The following HDAC9 variants were observed in gnomAD, a reference collection of about 807,000 sequenced individuals.
HDAC9 encodes the protein histone deacetylase 9, also known as MEF-2 interacting transcription repressor (MITR) protein.
Under a neutral mutation model 139.4 loss-of-function variants are expected in HDAC9, and 41 were observed. The observed-to-expected ratio is 0.29, with a 90% CI of 0.23 to 0.38. The LOEUF is 0.38. Ranked by LOEUF, HDAC9 falls within the 10% of genes least tolerant of loss-of-function variation. The pLI is 1.00. For synonymous variants in HDAC9, 517 were observed against 476.2 expected, an observed-to-expected ratio of 1.09 and a Z score of -1.12; for missense variants, 1,147 against 1,297.0, an observed-to-expected ratio of 0.88 and a Z score of 1.78.
chr7:18,677,844 A>G (rs1781621439), intron 12 of HDAC9, among the ~76,000 whole-genome samples: 2 of 152,076 alleles, frequency 1.3e-5, no homozygotes, highest in South Asian at 4.1e-4. Context: ...CACTAACACT[A>G]GCACTTGATG....
At chr7:18,374,475 C>T (rs889081813) in intron 1 of HDAC9, among the ~76,000 whole-genome samples, 2 of 151,962 alleles carry the variant, frequency 1.3e-5, no homozygotes, top group Non-Finnish European at 2.9e-5. Flanking sequence ...TCCTAGGCTA[C>T]AAACCTGTAC....
intron 6 of HDAC9, among the ~76,000 whole-genome samples, chr7:18,628,294 A>G (rs1356574995): frequency 2.0e-5 from 3 of 152,164 alleles, no homozygotes; most frequent in African/African-American, 7.2e-5. Flanking sequence ...CTTGGGCAAG[A>G]TACTTACCCT....
At chr7:18,647,601 A>G (rs562935192) in intron 9 of HDAC9, among the ~76,000 whole-genome samples, 184 bp from the exon 10 acceptor site, 1 of 152,182 alleles carries the variant, frequency 6.6e-6, no homozygotes, top group South Asian at 2.1e-4. Context: ...CTCCAACCCT[A>G]TTTTTATTCC....
chr7:18,910,278 T>G (rs1044773873), intron 22 of HDAC9, among the ~76,000 whole-genome samples: 4 of 152,020 alleles, frequency 2.6e-5, no homozygotes, highest in African/African-American at 9.7e-5. Context: ...TTTGACCTCC[T>G]TGGTTAAATA....
At chr7:18,504,337 A>C (rs929378876) in intron 2 of HDAC9, among the ~76,000 whole-genome samples, 2 of 152,158 alleles carry the variant, frequency 1.3e-5, no homozygotes, top group African/African-American at 4.8e-5. Flanking sequence ...ACAAAGTCTC[A>C]CTCTGTCATC....
At chr7:18,142,119 G>A (rs1562667784) in intron 1 of HDAC9, among the ~76,000 whole-genome samples, 1 of 151,200 alleles carries the variant, frequency 6.6e-6, no homozygotes, top group East Asian at 1.9e-4. Context: ...GTGTAGATGA[G>A]TTATTTTTCT....
At chr7:18,092,412 TA>T (rs67749571) in intron 1 of HDAC9, among the ~76,000 whole-genome samples, 2,425 of 117,406 alleles carry the variant, frequency 0.021, 64 homozygotes, top group African/African-American at 0.062. Context: ...TTTTTTTTTT[TA>T]AAAAAAAGAA....
intron 17 of HDAC9, among the ~76,000 whole-genome samples, chr7:18,805,546 C>T (rs1229041777): frequency 6.6e-6 from 1 of 152,140 alleles, no homozygotes; most frequent in African/African-American, 2.4e-5. Context: ...TGCGCAGAAG[C>T]CAATTTTAAT....
intron 2 of HDAC9, among the ~76,000 whole-genome samples, chr7:18,185,162 C>G (rs1198044770): frequency 1.3e-5 from 2 of 152,188 alleles, no homozygotes; most frequent in Non-Finnish European, 2.9e-5. Flanking sequence ...TACTTACAGA[C>G]AGTGATCGAG....
chr7:18,294,533 T>C (rs1235051119), intron 1 of HDAC9, among the ~76,000 whole-genome samples: 1 of 151,976 alleles, frequency 6.6e-6, no homozygotes, highest in Admixed American at 6.6e-5. Context: ...AAATGGAAAA[T>C]AGTTTTGCCT....
chr7:18,106,717 G>A (rs971937865), intron 1 of HDAC9, among the ~76,000 whole-genome samples: 1 of 152,170 alleles, frequency 6.6e-6, no homozygotes, highest in Admixed American at 6.5e-5. Flanking sequence ...GCCTCCCAGT[G>A]TGCTGGGATT....
At chr7:18,541,510 T>C (rs112345491) in intron 2 of HDAC9, among the ~76,000 whole-genome samples, 3 of 149,722 alleles carry the variant, frequency 2.0e-5, no homozygotes, top group African/African-American at 7.7e-5. Flanking sequence ...TAATTTTATG[T>C]TTTTCTCTGG....
At chr7:18,780,471 A>G (rs755266694) in intron 16 of HDAC9, among the ~76,000 whole-genome samples, 5 of 152,102 alleles carry the variant, frequency 3.3e-5, no homozygotes, top group Admixed American at 6.6e-5. Flanking sequence ...GACAACAGAG[A>G]TCCAGGGCAC....
intron 2 of HDAC9, among the ~76,000 whole-genome samples, chr7:18,249,048 A>C (rs1794744279): frequency 6.6e-6 from 1 of 152,188 alleles, no homozygotes; most frequent in South Asian, 2.1e-4. Context: ...AATCTTAGGG[A>C]TACAGTTGAG....
At chr7:18,553,225 C>T (rs772576645) in intron 2 of HDAC9, among the ~76,000 whole-genome samples, 3 of 151,956 alleles carry the variant, frequency 2.0e-5, no homozygotes, top group Non-Finnish European at 4.4e-5. Flanking sequence ...TCCTGTTTTA[C>T]GATAATTCTG....
chr7:18,949,330 G>T, intron 23 of HDAC9: 1 of 250,278 alleles, frequency 4.0e-6, no homozygotes, highest in Non-Finnish European at 7.8e-6. Context: ...ACCTCTAGAG[G>T]CAGCTCGCTT....
chr7:18,857,370 T>C (rs933355835), intron 21 of HDAC9, among the ~76,000 whole-genome samples: 2 of 151,928 alleles, frequency 1.3e-5, no homozygotes, highest in African/African-American at 4.8e-5. Flanking sequence ...TGTGTATGTA[T>C]GTATGTACTA....
chr7:18,934,796 A>G (rs1319234148), intron 22 of HDAC9, among the ~76,000 whole-genome samples: 2 of 152,200 alleles, frequency 1.3e-5, no homozygotes, highest in African/African-American at 4.8e-5. Context: ...TTAAGACTCA[A>G]CAATTCTGTT....
intron 16 of HDAC9, among the ~76,000 whole-genome samples, chr7:18,770,166 G>T (rs1259456634): frequency 6.6e-6 from 1 of 152,076 alleles, no homozygotes; most frequent in Non-Finnish European, 1.5e-5. Context: ...GGTATTTAAG[G>T]TGCTGTGAAA....
Sources: allele counts gnomAD v4.1 joint callset (sites outside exome capture counted in the v4.1 genomes callset), GRCh38; gene constraint gnomAD v4.1.1; transcripts MANE v1.5; gene names NCBI Gene and HGNC (gene_info 2026-07-23, HGNC 2026-07-21).